PKHD1: variants seen among roughly 807,000 people sequenced by gnomAD.
PKHD1 encodes the protein PKHD1 ciliary IPT domain containing fibrocystin/polyductin, also known as fibrocystin.
In PKHD1, 291 loss-of-function variants were observed where a neutral mutation model predicts 412.0. The observed-to-expected ratio is 0.71, with a 90% CI of 0.64 to 0.78. PKHD1 has a LOEUF of 0.78. Among genes scored for constraint, PKHD1 ranks in the 30% least tolerant of loss-of-function variants. The pLI is 0.00. For synonymous variants in PKHD1, 1,777 were observed against 1,821.5 expected, an observed-to-expected ratio of 0.98 and a Z score of 0.62; for missense variants, 4,825 against 4,950.7, an observed-to-expected ratio of 0.97 and a Z score of 0.76.
At chr6:51,943,892 A>G (rs1439565861) in intron 36 of PKHD1, among the ~76,000 whole-genome samples, 1 of 151,224 alleles carries the variant, frequency 6.6e-6, no homozygotes, top group African/African-American at 2.4e-5. Flanking sequence ...ATCGCCCATT[A>G]TCTCTCCATA....
At chr6:51,760,137 T>G (rs1582514134) in intron 55 of PKHD1, among the ~76,000 whole-genome samples, 1 of 152,246 alleles carries the variant, frequency 6.6e-6, no homozygotes, top group East Asian at 1.9e-4. Flanking sequence ...TAATAAAGTT[T>G]GAGGAATGAG....
chr6:51,906,764 A>G (rs749190964), intron 40 of PKHD1, among the ~76,000 whole-genome samples: 1 of 152,148 alleles, frequency 6.6e-6, no homozygotes, highest in Non-Finnish European at 1.5e-5. Context: ...TTTATAATTT[A>G]TCAGGCAATA....
At chr6:51,955,834 T>G in intron 36 of PKHD1, among the ~76,000 whole-genome samples, 1 of 152,098 alleles carries the variant, frequency 6.6e-6, no homozygotes, top group Non-Finnish European at 1.5e-5. Context: ...GCTTGAAATT[T>G]CTCAGGCTTT....
chr6:51,958,580 A>T (rs888014951), intron 36 of PKHD1, among the ~76,000 whole-genome samples: 3 of 152,104 alleles, frequency 2.0e-5, no homozygotes, highest in Non-Finnish European at 4.4e-5. Context: ...CAAGACTTTC[A>T]GCTGGGAAAC....
intron 35 of PKHD1, among the ~76,000 whole-genome samples, chr6:51,996,392 G>C (rs138007170): frequency 6.6e-6 from 1 of 152,078 alleles, no homozygotes. Flanking sequence ...TCTTTCCCTA[G>C]ATTGCTCTTT....
At chr6:51,933,598 G>C (rs1029975402) in intron 37 of PKHD1, among the ~76,000 whole-genome samples, 1 of 152,206 alleles carries the variant, frequency 6.6e-6, no homozygotes, top group African/African-American at 2.4e-5. Flanking sequence ...ACATACATGA[G>C]AGCAGTAGGT....
At chr6:51,936,901 G>A (rs919529229) in intron 36 of PKHD1, among the ~76,000 whole-genome samples, 8 of 152,124 alleles carry the variant, frequency 5.3e-5, no homozygotes, top group South Asian at 4.1e-4. Flanking sequence ...TATATTAAAC[G>A]GCCCTGCAAA....
intron 7 of PKHD1, 137 bp from the exon 8 acceptor site, chr6:52,072,326 T>C (rs535543065): frequency 2.9e-6 from 2 of 695,552 alleles, no homozygotes; most frequent in East Asian, 5.4e-5. Flanking sequence ...TGCAGGTGGC[T>C]GAAGGCGGAT....
chr6:51,714,675 G>T (rs968496888), intron 60 of PKHD1, among the ~76,000 whole-genome samples: 2 of 152,124 alleles, frequency 1.3e-5, no homozygotes, highest in Non-Finnish European at 2.9e-5. Flanking sequence ...TGGCTAGCAG[G>T]CTACCATATT....
rs979287276 is a variant in PKHD1, at chr6:51,659,025, C to T, written c.11101G>A (p.Val3701Ile). Residue 3701 changes from valine to isoleucine, a missense_variant, in exon 61 of 67, where the codon GTA (valine) becomes ATA (isoleucine). Transcript: ENST00000371117. ...GTCATATTCAGAACATTCTCTAGTA[C>T]CCCAGTCTGTTGAGCAGTGATGACT... is the stretch of plus-strand genomic sequence containing the variant. ...HRVITAQQTG[V>I]LENVLNMTIG... The T allele has an allele frequency of 1.9e-6, 3 of 1,612,534 alleles. No individual in the cohort carries two copies. In the African/African-American group the frequency reaches 4.0e-5, roughly 22 times the overall value.
At chr6:52,000,186 G>A (rs560579036) in intron 35 of PKHD1, among the ~76,000 whole-genome samples, 4 of 152,214 alleles carry the variant, frequency 2.6e-5, no homozygotes, top group South Asian at 2.1e-4. Flanking sequence ...GTCGCTGGTC[G>A]AGAAATAGCA....
At chr6:52,015,196 G>A (rs1800373071) in intron 34 of PKHD1, among the ~76,000 whole-genome samples, 1 of 152,032 alleles carries the variant, frequency 6.6e-6, no homozygotes, top group South Asian at 2.1e-4. Flanking sequence ...ATTTTTAAAG[G>A]TGACTTAGTA....
chr6:51,708,515 T>C (rs1780270761), intron 60 of PKHD1, among the ~76,000 whole-genome samples: 1 of 152,208 alleles, frequency 6.6e-6, no homozygotes. Flanking sequence ...TAGAATCAAG[T>C]CCCAACTCCT....
chr6:51,818,356 G>A (rs1377793040), intron 52 of PKHD1, among the ~76,000 whole-genome samples: 1 of 152,152 alleles, frequency 6.6e-6, no homozygotes, highest in Non-Finnish European at 1.5e-5. Context: ...TGTCATCTGT[G>A]TATATCACCA....
chr6:52,048,029 C>T (rs1056950264), intron 23 of PKHD1, among the ~76,000 whole-genome samples: 3 of 152,170 alleles, frequency 2.0e-5, no homozygotes, highest in Admixed American at 6.5e-5. Flanking sequence ...GAAGAAGCAA[C>T]GTGACCACAG....
intron 43 of PKHD1, among the ~76,000 whole-genome samples, chr6:51,897,448 C>T (rs1780280432): frequency 6.6e-6 from 1 of 151,716 alleles, no homozygotes; most frequent in Non-Finnish European, 1.5e-5. Flanking sequence ...AAATCCTTTA[C>T]AGACAAGCAA....
At chr6:51,921,349 T>A (rs1784672233) in intron 37 of PKHD1, among the ~76,000 whole-genome samples, 1 of 152,250 alleles carries the variant, frequency 6.6e-6, no homozygotes, top group Non-Finnish European at 1.5e-5. Context: ...TCTCTCTGGC[T>A]GCCCTTAACA....
intron 36 of PKHD1, among the ~76,000 whole-genome samples, chr6:51,942,182 T>G (rs1235474770): frequency 1.3e-5 from 2 of 151,524 alleles, no homozygotes; most frequent in East Asian, 3.9e-4. Context: ...GAAGACAGCT[T>G]TAGAGACTGC....
chr6:51,807,365 G>A (rs535517135), intron 52 of PKHD1, among the ~76,000 whole-genome samples: 1 of 149,644 alleles, frequency 6.7e-6, no homozygotes, highest in Non-Finnish European at 1.5e-5. Context: ...TTGAACCCGG[G>A]AGGCAGAGGT....
Sources: allele counts gnomAD v4.1 joint callset (sites outside exome capture counted in the v4.1 genomes callset), GRCh38; gene constraint gnomAD v4.1.1; transcripts MANE v1.5; gene names NCBI Gene and HGNC (gene_info 2026-07-23, HGNC 2026-07-21).